VAV3: variants seen among roughly 807,000 people sequenced by gnomAD.
VAV3 encodes guanine nucleotide exchange factor VAV3.
In VAV3, 94 loss-of-function variants were observed where a neutral mutation model predicts 131.2. That is an observed-to-expected ratio of 0.72 (90% confidence interval 0.61 to 0.85). VAV3 has a LOEUF of 0.85. Among genes scored for constraint, VAV3 ranks in the 40% least tolerant of loss-of-function variants. The pLI is 0.00. For synonymous variants in VAV3, 349 were observed against 342.0 expected (o/e 1.02, Z -0.22); for missense variants, 939 against 1,002.7 (o/e 0.94, Z 0.86).
At chr1:107,840,867 A>T (rs140829956) in intron 2 of VAV3, among the ~76,000 whole-genome samples, 207 of 152,196 alleles carry the variant, frequency 1.4e-3, no homozygotes, top group African/African-American at 4.8e-3. Flanking sequence ...ACTATAAACC[A>T]CTGGAAGGAA....
intron 2 of VAV3, among the ~76,000 whole-genome samples, chr1:107,855,007 T>C (rs1010347241): frequency 6.6e-6 from 1 of 152,204 alleles, no homozygotes; most frequent in African/African-American, 2.4e-5. Context: ...TGTACTCAGT[T>C]GGTGTTTAGA....
chr1:107,627,452 A>G (rs1315725528), intron 20 of VAV3, among the ~76,000 whole-genome samples: 1 of 152,228 alleles, frequency 6.6e-6, no homozygotes, highest in Non-Finnish European at 1.5e-5. Context: ...ATAGTCTTCT[A>G]TGAGACCATA....
chr1:107,625,056 T>C (rs1324724513), intron 20 of VAV3, among the ~76,000 whole-genome samples: 1 of 152,104 alleles, frequency 6.6e-6, no homozygotes, highest in Non-Finnish European at 1.5e-5. Flanking sequence ...CAACCCTTCT[T>C]GGCTTCATTA....
intron 2 of VAV3, among the ~76,000 whole-genome samples, chr1:107,815,124 C>T (rs1037608229): frequency 1.3e-5 from 2 of 152,198 alleles, no homozygotes; most frequent in African/African-American, 4.8e-5. Context: ...ATCTGTCGTT[C>T]ACTTCGGCTG....
chr1:107,784,593 G>C (rs1464041903), intron 2 of VAV3, among the ~76,000 whole-genome samples: 1 of 152,150 alleles, frequency 6.6e-6, no homozygotes, highest in Non-Finnish European at 1.5e-5. Context: ...CCCCTGAAGA[G>C]TATATAAAAA....
At chr1:107,604,205 G>A (rs865834514) in intron 22 of VAV3, among the ~76,000 whole-genome samples, 21 of 152,160 alleles carry the variant, frequency 1.4e-4, no homozygotes, top group African/African-American at 4.8e-4. Context: ...TAATGTATCC[G>A]AAAATCCTCT....
chr1:107,960,462 T>C (rs1675030740), intron 1 of VAV3, among the ~76,000 whole-genome samples: 1 of 144,874 alleles, frequency 6.9e-6, no homozygotes, highest in Admixed American at 6.7e-5. Flanking sequence ...TAAGACTCCG[T>C]CTCAAAAAAA....
chr1:107,878,621 G>C (rs1157048115), intron 1 of VAV3, among the ~76,000 whole-genome samples: 2 of 152,132 alleles, frequency 1.3e-5, no homozygotes, highest in African/African-American at 4.8e-5. Flanking sequence ...AAACAGTTCT[G>C]ATAAAAGTAC....
intron 15 of VAV3, among the ~76,000 whole-genome samples, chr1:107,707,791 G>T (rs1660543689): frequency 6.6e-6 from 1 of 152,212 alleles, no homozygotes; most frequent in South Asian, 2.1e-4. Context: ...TCCGTGGCCT[G>T]TGGGGGTGCC....
chr1:107,806,166 C>T (rs1667051680), intron 2 of VAV3, among the ~76,000 whole-genome samples: 1 of 152,106 alleles, frequency 6.6e-6, no homozygotes, highest in Admixed American at 6.6e-5. Context: ...GTGCTGCTTC[C>T]TATGGGTTTA....
At chr1:107,956,247 G>A (rs1674801823) in intron 1 of VAV3, among the ~76,000 whole-genome samples, 1 of 152,216 alleles carries the variant, frequency 6.6e-6, no homozygotes, top group African/African-American at 2.4e-5. Context: ...AGAGAAAGAA[G>A]GGAGAAACGG....
At chr1:107,692,669 T>C (rs1009890610) in intron 17 of VAV3, among the ~76,000 whole-genome samples, 5 of 152,156 alleles carry the variant, frequency 3.3e-5, no homozygotes, top group African/African-American at 7.2e-5. Flanking sequence ...GGTAGCAGTC[T>C]CTCAGTTTTA....
intron 2 of VAV3, among the ~76,000 whole-genome samples, chr1:107,831,814 T>C (rs1287241564): frequency 6.6e-6 from 1 of 152,254 alleles, no homozygotes; most frequent in African/African-American, 2.4e-5. Context: ...TTTAGACATA[T>C]TCTCATGTAA....
chr1:107,764,163 T>C (rs773146206), intron 9 of VAV3, among the ~76,000 whole-genome samples: 9 of 152,130 alleles, frequency 5.9e-5, no homozygotes, highest in Non-Finnish European at 8.8e-5. Context: ...TCTAGACTTA[T>C]ATACTGTTGT....
intron 1 of VAV3, chr1:107,963,367 C>T (rs1675233582): frequency 6.6e-6 from 1 of 152,192 alleles, no homozygotes; most frequent in African/African-American, 2.4e-5. Flanking sequence ...TGAAGGGGTA[C>T]CGAGAGGTAG....
At chr1:107,657,057 C>A (rs372539845) in intron 19 of VAV3, among the ~76,000 whole-genome samples, 1 of 145,416 alleles carries the variant, frequency 6.9e-6, no homozygotes, top group African/African-American at 2.6e-5. Flanking sequence ...GGGTTCAAAG[C>A]AATTGTCCTG....
intron 20 of VAV3, among the ~76,000 whole-genome samples, chr1:107,620,797 T>A (rs1166522177): frequency 6.6e-6 from 1 of 152,126 alleles, no homozygotes. Flanking sequence ...AAGAGATGAA[T>A]TTTTTAGCTG....
rs548240545 is a variant in VAV3 at position 107,787,342 on chromosome 1, A to C, written c.322-7850T>G. Among the ~76,000 whole-genome samples the C allele has an allele frequency of 7.2e-5, 11 of 152,332 alleles. 1 individual carries two copies. In the South Asian group the frequency reaches 2.3e-3, roughly 32 times the overall value. ...TGAGGATACAATGCTTCCTGCTCTC[A>C]AAAAACCAACAGTCTATTAGGAAAG... is the stretch of plus-strand genomic sequence containing the variant. On this transcript the variant is annotated intron_variant, in intron 2 of 26. Coordinates refer to ENST00000370056, the MANE Select transcript of VAV3 (RefSeq NM_006113.5).
At chr1:107,783,788 C>T (rs1189870456) in intron 2 of VAV3, among the ~76,000 whole-genome samples, 1 of 151,938 alleles carries the variant, frequency 6.6e-6, no homozygotes, top group Non-Finnish European at 1.5e-5. Context: ...GTGGCTCACG[C>T]CTGTAATCCC....
Sources: gnomAD v4.1 joint callset for allele counts (sites outside exome capture counted in the v4.1 genomes callset) on GRCh38, gnomAD v4.1.1 for gene constraint, MANE v1.5 for transcripts, NCBI Gene and HGNC (gene_info 2026-07-23, HGNC 2026-07-21) for gene names.